Variants in AOAH observed in about 807,000 individuals in gnomAD.
AOAH encodes acyloxyacyl hydrolase (neutrophil).
In AOAH, 64 loss-of-function variants were observed where a neutral mutation model predicts 92.2. That is an observed-to-expected ratio of 0.69 (90% CI 0.57 to 0.86). The LOEUF (loss-of-function observed/expected upper bound fraction) is 0.86. Among genes scored for constraint, AOAH ranks in the 40% least tolerant of loss-of-function variants. The pLI is 0.00. For synonymous variants in AOAH, 263 were observed against 254.5 expected, an observed-to-expected ratio of 1.03 and a Z score of -0.32; for missense variants, 656 against 694.6, an observed-to-expected ratio of 0.94 and a Z score of 0.62.
intron 19 of AOAH, among the ~76,000 whole-genome samples, chr7:36,529,447 A>C (rs1025043355): frequency 3.3e-5 from 5 of 152,200 alleles, no homozygotes; most frequent in Admixed American, 3.3e-4. Flanking sequence ...CAGGAAATCT[A>C]GTTAAGGGAG....
chr7:36,657,479 C>G (rs1031680717), intron 4 of AOAH, among the ~76,000 whole-genome samples: 1 of 152,192 alleles, frequency 6.6e-6, no homozygotes, highest in Non-Finnish European at 1.5e-5. Flanking sequence ...TACTACTATT[C>G]AGGGGAAGCT....
Position 36,618,360 on chromosome 7 carries a change from C to A in AOAH, c.703-15G>T. 6.2e-7 allele frequency: 1 copy of A among 1,613,424 alleles called. No homozygotes were observed. Among genetic ancestry groups the A allele is most frequent in the Non-Finnish European group, 8.5e-7 (1 of 1,179,528 alleles). ...GGATCGACACCCTTTAAAAAAGAAA[C>A]GATGTGATTAGCAGTTTGGTTTTAA... On this transcript the variant is annotated splice_polypyrimidine_tract_variant and intron_variant, in intron 9 of 20. Transcript: ENST00000617537.
chr7:36,579,625 G>A (rs962851015), intron 12 of AOAH, among the ~76,000 whole-genome samples: 1 of 152,134 alleles, frequency 6.6e-6, no homozygotes, highest in African/African-American at 2.4e-5. Context: ...TTCCAAAACT[G>A]AAGAACTTGG....
intron 1 of AOAH, among the ~76,000 whole-genome samples, chr7:36,695,546 A>G (rs1454431346): frequency 6.6e-6 from 1 of 152,184 alleles, no homozygotes; most frequent in Non-Finnish European, 1.5e-5. Context: ...AGGTTAAACA[A>G]TGTACTTTAA....
chr7:36,688,169 T>C (rs1797153208), intron 1 of AOAH, among the ~76,000 whole-genome samples: 1 of 152,222 alleles, frequency 6.6e-6, no homozygotes, highest in Admixed American at 6.5e-5. Flanking sequence ...TTTCATTACA[T>C]TGCAATTAAT....
chr7:36,544,628 C>T (rs1385190298), intron 15 of AOAH, among the ~76,000 whole-genome samples: 2 of 152,222 alleles, frequency 1.3e-5, no homozygotes, highest in Non-Finnish European at 2.9e-5. Context: ...GAGAGAGAAA[C>T]TGGTGCTCAC....
At chr7:36,616,315 G>A in intron 11 of AOAH, 65 bp downstream of exon 11, 5 of 1,335,970 alleles carry the variant, frequency 3.7e-6, no homozygotes, top group Non-Finnish European at 5.3e-6. Context: ...CCCATTTAGA[G>A]AGAGCAAGAG....
At chr7:36,529,120 A>C (rs1784550465) in intron 19 of AOAH, among the ~76,000 whole-genome samples, 1 of 152,170 alleles carries the variant, frequency 6.6e-6, no homozygotes, top group South Asian at 2.1e-4. Flanking sequence ...ATTTGTTAGG[A>C]AGATATGGTA....
chr7:36,608,086 G>C (rs1033826045), intron 11 of AOAH, among the ~76,000 whole-genome samples: 1 of 152,176 alleles, frequency 6.6e-6, no homozygotes, highest in Non-Finnish European at 1.5e-5. Flanking sequence ...CTCCCTTCCT[G>C]GGGCTCATGT....
intron 4 of AOAH, among the ~76,000 whole-genome samples, chr7:36,646,099 C>T (rs184508765): frequency 1.3e-5 from 2 of 152,350 alleles, no homozygotes; most frequent in African/African-American, 4.8e-5. Flanking sequence ...TACCACTCTG[C>T]TATAGAGTTC....
In AOAH at chr7:36,614,715, T is replaced by C. The variant is rs1317366425; in HGVS notation, c.846+1665A>G. Reference sequence around the variant, plus strand: ...AATCTGGGCACAGGCAAGAGGAAGATTGGGGTTGGGCATGGTGGCAGCTGT... The same window carrying C: ...AATCTGGGCACAGGCAAGAGGAAGACTGGGGTTGGGCATGGTGGCAGCTGT... On this transcript the variant is annotated intron_variant, in intron 11 of 20. Transcript: ENST00000617537. This position sits in a 1 kb window ranked among gnomAD's most constrained non-coding sequence, Gnocchi z 4.2. 4.6e-5 allele frequency among the ~76,000 whole-genome samples: 7 copies of C among 152,074 alleles called. No individual in the cohort carries two copies. Among genetic ancestry groups the C allele is most frequent in the Non-Finnish European group, 8.8e-5 (6 of 68,000 alleles).
At chr7:36,685,515 A>G (rs939226735) in intron 2 of AOAH, among the ~76,000 whole-genome samples, 1 of 152,194 alleles carries the variant, frequency 6.6e-6, no homozygotes, top group African/African-American at 2.4e-5. Flanking sequence ...GGTTTTCTAC[A>G]GTTGTCTTGT....
At chr7:36,647,574 G>A (rs913201384) in intron 4 of AOAH, among the ~76,000 whole-genome samples, 10 of 152,056 alleles carry the variant, frequency 6.6e-5, no homozygotes, top group Admixed American at 3.3e-4. Context: ...TCCACTTATC[G>A]GAAGTCAATA....
intron 5 of AOAH, among the ~76,000 whole-genome samples, chr7:36,634,025 C>A (rs938605032): frequency 6.6e-6 from 1 of 151,930 alleles, no homozygotes; most frequent in Non-Finnish European, 1.5e-5. Flanking sequence ...AATATTGCCA[C>A]GAGTTGGGAA....
Position 36,576,644 on chromosome 7 carries a change from T to C in AOAH, c.951A>G (p.Lys317=), listed in dbSNP as rs903048167. ...TTTTCCATAAGCGAAGGTAAATAGATTTTTCTTTAATTCTGAAACAAATAT... is the reference window on the plus strand; with the variant it reads ...TTTTCCATAAGCGAAGGTAAATAGACTTTTCTTTAATTCTGAAACAAATAT... The part of the protein sequence containing the change: ...FLDSTVGIKE[K]SIYLRLWKRN... The change falls in exon 13 of 21, where the codon AAA becomes AAG. Residue 317 remains lysine, a synonymous_variant. Transcript: ENST00000617537. 2.3e-5 allele frequency: 36 copies of C among 1,554,914 alleles called. No individual in the cohort carries two copies. The highest frequency in any genetic ancestry group is 3.2e-5 in the Non-Finnish European group (36 of 1,137,510).
intron 13 of AOAH, among the ~76,000 whole-genome samples, chr7:36,574,080 A>G (rs1788324607): frequency 6.6e-6 from 1 of 152,222 alleles, no homozygotes. Context: ...ACAAGAGAAA[A>G]TAGGAAGAGG....
intron 20 of AOAH, among the ~76,000 whole-genome samples, chr7:36,517,934 CA>C (rs1399293378): frequency 1.6e-4 from 10 of 61,104 alleles, no homozygotes; most frequent in Admixed American, 3.3e-4. Flanking sequence ...CACACACCCA[CA>C]CACACACACC....
intron 11 of AOAH, among the ~76,000 whole-genome samples, chr7:36,613,773 G>A (rs1256886560): frequency 6.6e-6 from 1 of 152,168 alleles, no homozygotes; most frequent in East Asian, 1.9e-4. Context: ...TTTCATGTGT[G>A]CAATTTCCTC....
chr7:36,530,469 C>T lies in AOAH; in HGVS notation c.1471G>A (p.Glu491Lys), dbSNP rs1784628060. ...AAAAGATTGAAGTTTGTAAATTTCT[C>T]ACTGGCTGCAATTTTTTTCAGTGTG... is the stretch of plus-strand genomic sequence containing the variant. ...SNTLKKIAAS[E>K]KFTNFNLFYM... Residue 491 changes from glutamate to lysine, a missense_variant, in exon 19 of 21, where the codon GAG becomes AAG. Glu to Lys is a moderately conservative substitution (Grantham distance 56, BLOSUM62 1). Coordinates refer to ENST00000617537, the MANE Select transcript of AOAH (RefSeq NM_001637.4). The T allele has an allele frequency of 6.2e-7, 1 of 1,613,910 alleles. No homozygotes were observed. Among genetic ancestry groups the T allele is most frequent in the Non-Finnish European group, 8.5e-7 (1 of 1,179,906 alleles).
Sources: gnomAD v4.1 joint callset for allele counts (sites outside exome capture counted in the v4.1 genomes callset) on GRCh38, gnomAD v4.1.1 for gene constraint, Gnocchi (gnomAD v3.1) non-coding constraint, MANE v1.5 for transcripts, NCBI Gene and HGNC (gene_info 2026-07-23, HGNC 2026-07-21) for gene names.